GSE1: variants seen among roughly 807,000 people sequenced by gnomAD.
The protein encoded by GSE1 is Gse1 coiled-coil protein, also known as genetic suppressor element 1.
A neutral mutation model predicts 112.6 loss-of-function variants in GSE1; 32 were observed. The ratio of observed to expected loss-of-function variants is 0.28; its 90% confidence interval spans 0.21 to 0.38. The LOEUF is 0.38. GSE1 is among the 10% of genes least tolerant of loss of function. The pLI, the probability that GSE1 is intolerant of heterozygous loss-of-function variation, is 1.00. For synonymous variants in GSE1, 1,115 were observed against 735.6 expected (o/e 1.52, Z -8.35); for missense variants, 2,348 against 1,699.2 (o/e 1.38, Z -6.71).
chr16:85,302,748 A>G (rs1475592117), intron 1 of GSE1, among the ~76,000 whole-genome samples: 4 of 152,186 alleles, frequency 2.6e-5, no homozygotes, highest in Admixed American at 6.5e-5. Context: ...TCTGAACCTG[A>G]GAACGTGATG....
chr16:85,319,117 A>T (rs1321811799), intron 1 of GSE1, among the ~76,000 whole-genome samples: 1 of 151,816 alleles, frequency 6.6e-6, no homozygotes, highest in African/African-American at 2.4e-5. Context: ...AGTATCGCTC[A>T]CCCCCTCCCT....
intron 1 of GSE1, among the ~76,000 whole-genome samples, chr16:85,339,952 C>T (rs1262609996): frequency 6.6e-6 from 1 of 152,186 alleles, no homozygotes; most frequent in Non-Finnish European, 1.5e-5. Context: ...GGGCGGGGGC[C>T]AGATAAATAA....
At chr16:85,283,817 T>G (rs924947909) in intron 1 of GSE1, among the ~76,000 whole-genome samples, 7 of 152,232 alleles carry the variant, frequency 4.6e-5, no homozygotes, top group African/African-American at 1.7e-4. Flanking sequence ...ATTTTATGGA[T>G]GAGGAAACTG....
At chr16:85,659,511 T>TG (rs2052256029) in intron 8 of GSE1, 1 of 152,120 alleles carries the variant, frequency 6.6e-6, no homozygotes, top group African/African-American at 2.4e-5. Flanking sequence ...AGCACAAATA[T>TG]GGTGACCTCC....
intron 1 of GSE1, among the ~76,000 whole-genome samples, chr16:85,223,712 C>T (rs973578781): frequency 6.6e-6 from 1 of 151,846 alleles, no homozygotes; most frequent in African/African-American, 2.4e-5. Context: ...TCAAGCAATT[C>T]TCCTGCCTCA....
intron 3 of GSE1, among the ~76,000 whole-genome samples, chr16:85,651,717 T>C (rs756338210): frequency 1.7e-4 from 26 of 152,170 alleles, no homozygotes; most frequent in Non-Finnish European, 3.1e-4. Flanking sequence ...GGCTGGGTGA[T>C]GATTGAAGCC....
intron 7 of GSE1, among the ~76,000 whole-genome samples, chr16:85,656,906 G>C (rs73253221): frequency 0.05 from 7,601 of 152,282 alleles, 680 homozygotes; most frequent in African/African-American, 0.18. Flanking sequence ...CATTAGGAAG[G>C]GATGTTTTGA....
intron 2 of GSE1, among the ~76,000 whole-genome samples, chr16:85,420,216 A>G (rs1452295441): frequency 2.0e-5 from 3 of 151,858 alleles, no homozygotes; most frequent in African/African-American, 7.3e-5. Flanking sequence ...GCGAGACCCC[A>G]TTTCTTTTTG....
chr16:85,396,705 C>T lies in GSE1; in HGVS notation c.2464+39062C>T, dbSNP rs117045923. ...CAACGGGGCAGGATGGATGTCCGGA[C>T]GCTACACAAGTGGGAGGCCACAGGC... On this transcript the variant is annotated intron_variant, in intron 2 of 2. Coordinates refer to the GSE1 transcript ENST00000637419. Among the ~76,000 whole-genome samples the T allele has an allele frequency of 3.0e-4, 45 of 152,368 alleles. 1 individual carries two copies. In the East Asian group the frequency reaches 5.8e-3, roughly 20 times the overall value.
chr16:85,573,721 C>T (rs1436640266), intron 1 of GSE1, among the ~76,000 whole-genome samples: 1 of 152,190 alleles, frequency 6.6e-6, no homozygotes, highest in Non-Finnish European at 1.5e-5. Context: ...GAGGGGGAGC[C>T]GGCAGGCGCA....
intron 1 of GSE1, among the ~76,000 whole-genome samples, chr16:85,176,138 G>A (rs2074459322): frequency 6.6e-6 from 1 of 152,134 alleles, no homozygotes; most frequent in South Asian, 2.1e-4. Context: ...ATAGGTGTGC[G>A]CCACCATGCC....
intron 1 of GSE1, among the ~76,000 whole-genome samples, chr16:85,279,707 G>A (rs1029233828): frequency 6.6e-6 from 1 of 152,106 alleles, no homozygotes; most frequent in African/African-American, 2.4e-5. Context: ...TGCTCCATGG[G>A]GCCTCCTGAG....
upstream of GSE1, among the ~76,000 whole-genome samples, chr16:85,610,706 G>A (rs989823037): frequency 2.6e-5 from 4 of 152,186 alleles, no homozygotes; most frequent in South Asian, 2.1e-4. Context: ...CGGGGTGTCC[G>A]GCAGCGCCTC....
intron 2 of GSE1, among the ~76,000 whole-genome samples, chr16:85,383,928 T>C (rs1197228179): frequency 1.3e-5 from 2 of 152,212 alleles, no homozygotes; most frequent in Non-Finnish European, 2.9e-5. Context: ...GCCCAGGAGC[T>C]GCTGTCCTCA....
At chr16:85,183,117 C>T (rs764640051) in intron 1 of GSE1, among the ~76,000 whole-genome samples, 12 of 152,158 alleles carry the variant, frequency 7.9e-5, no homozygotes, top group African/African-American at 2.7e-4. Flanking sequence ...ACACCTGTAC[C>T]CTCACCCCCT....
chr16:85,323,811 G>A (rs139599837), intron 1 of GSE1, among the ~76,000 whole-genome samples: 75 of 152,314 alleles, frequency 4.9e-4, no homozygotes, highest in African/African-American at 1.8e-3. Flanking sequence ...GTTGAGTGAG[G>A]AGTTCCCCCT....
intron 1 of GSE1, among the ~76,000 whole-genome samples, chr16:85,295,651 G>A (rs1212635448): frequency 6.6e-6 from 1 of 152,196 alleles, no homozygotes; most frequent in Non-Finnish European, 1.5e-5. Context: ...GAGAATTAGA[G>A]TCCCCTCTTG....
chr16:85,382,602 G>A (rs990485042), intron 2 of GSE1, among the ~76,000 whole-genome samples: 8 of 152,176 alleles, frequency 5.3e-5, no homozygotes, highest in Non-Finnish European at 1.2e-4. Context: ...ACCCGGAGAT[G>A]CTGGGTAAGA....
At chr16:85,474,771 C>A (rs1317414513) in intron 2 of GSE1, among the ~76,000 whole-genome samples, 1 of 151,996 alleles carries the variant, frequency 6.6e-6, no homozygotes, top group East Asian at 1.9e-4. Context: ...GAAACTGAGC[C>A]TCCAGGACCC....
Sources: allele counts gnomAD v4.1 joint callset (sites outside exome capture counted in the v4.1 genomes callset), GRCh38; gene constraint gnomAD v4.1.1; transcripts MANE v1.5; gene names NCBI Gene and HGNC (gene_info 2026-07-23, HGNC 2026-07-21).